TYW1: variants seen among roughly 807,000 people sequenced by gnomAD.
TYW1 encodes tRNA-yW synthesizing protein 1 homolog, also known as S-adenosyl-L-methionine-dependent tRNA 4-demethylwyosine synthase TYW1.
In TYW1, 46 loss-of-function variants were observed where a neutral mutation model predicts 96.2. That is an observed-to-expected ratio of 0.48 (90% confidence interval 0.38 to 0.61). The LOEUF is 0.61. Ranked by LOEUF, TYW1 falls within the 20% of genes least tolerant of loss-of-function variation. The pLI, the probability that TYW1 is intolerant of heterozygous loss-of-function variation, is 0.00. For synonymous variants in TYW1, 274 were observed against 323.0 expected (o/e 0.85, Z 1.63); for missense variants, 684 against 909.6 (o/e 0.75, Z 3.19).
intron 13 of TYW1, among the ~76,000 whole-genome samples, chr7:67,172,903 T>G (rs1799559541): frequency 6.6e-6 from 1 of 151,898 alleles, no homozygotes; most frequent in Non-Finnish European, 1.5e-5. Context: ...GAGGATCACT[T>G]GAGTCCAGGG....
At chr7:67,102,150 G>A (rs1205687930) in intron 12 of TYW1, among the ~76,000 whole-genome samples, 22 of 152,144 alleles carry the variant, frequency 1.4e-4, no homozygotes, top group Non-Finnish European at 2.2e-4. Flanking sequence ...GTAGGATAAA[G>A]TAATTTTTTG....
At chr7:67,127,440 T>C (rs1432007693) in intron 13 of TYW1, among the ~76,000 whole-genome samples, 1 of 152,070 alleles carries the variant, frequency 6.6e-6, no homozygotes, top group African/African-American at 2.4e-5. Flanking sequence ...GATTATAGGC[T>C]TGACCCACTG....
intron 13 of TYW1, among the ~76,000 whole-genome samples, chr7:67,170,499 G>T (rs2690166): frequency 1.3e-5 from 2 of 152,178 alleles, no homozygotes; most frequent in Non-Finnish European, 2.9e-5. Context: ...TTAAAATTTT[G>T]TATTGAGGTA....
intron 13 of TYW1, among the ~76,000 whole-genome samples, chr7:67,141,841 C>G (rs7811122): frequency 0.26 from 39,403 of 151,918 alleles, 5,568 homozygotes; most frequent in African/African-American, 0.38. Flanking sequence ...TTTGAGACCA[C>G]CCTGACCAAC....
At chr7:67,097,301 A>G (rs1190850599) in intron 11 of TYW1, among the ~76,000 whole-genome samples, 8 of 152,234 alleles carry the variant, frequency 5.3e-5, no homozygotes, top group Non-Finnish European at 1.5e-5. Flanking sequence ...AGCCTTGGCT[A>G]TACGTAACAA....
intron 6 of TYW1, among the ~76,000 whole-genome samples, chr7:67,022,087 A>AT (rs1381505128): frequency 4.7e-4 from 71 of 151,928 alleles, no homozygotes; most frequent in African/African-American, 1.5e-3. Context: ...AGTTTTTTTA[A>AT]TTTTTTGTAG....
At chr7:67,090,971 G>A (rs557553910) in intron 11 of TYW1, among the ~76,000 whole-genome samples, 4 of 152,312 alleles carry the variant, frequency 2.6e-5, no homozygotes, top group African/African-American at 9.6e-5. Flanking sequence ...TGATGGGACT[G>A]TAAACTAGTT....
intron 15 of TYW1, among the ~76,000 whole-genome samples, chr7:67,205,891 C>T (rs2949114): frequency 1.3e-5 from 2 of 151,932 alleles, no homozygotes; most frequent in Admixed American, 6.6e-5. Context: ...CTCAAGAAAG[C>T]CACCACCATG....
intron 13 of TYW1, among the ~76,000 whole-genome samples, chr7:67,149,741 T>C (rs1331485392): frequency 1.2e-5 from 1 of 84,242 alleles, no homozygotes; most frequent in East Asian, 2.2e-4. Context: ...TATCTATCTA[T>C]CTATCTATCT....
intron 13 of TYW1, among the ~76,000 whole-genome samples, chr7:67,134,366 AACCC>A (rs1798179452): frequency 6.6e-6 from 1 of 151,808 alleles, no homozygotes; most frequent in Admixed American, 6.6e-5. Flanking sequence ...AACATGGTGA[AACCC>A]TGTTAGTACT....
intron 13 of TYW1, among the ~76,000 whole-genome samples, chr7:67,166,541 C>A (rs1563051378): frequency 1.3e-5 from 2 of 150,862 alleles, no homozygotes; most frequent in South Asian, 2.1e-4. Context: ...TCAGCCCCTC[C>A]CCTCTCTAAA....
chr7:67,063,045 A>G (rs1363854729), intron 9 of TYW1, among the ~76,000 whole-genome samples: 1 of 152,186 alleles, frequency 6.6e-6, no homozygotes, highest in Non-Finnish European at 1.5e-5. Flanking sequence ...AGAAATCCTC[A>G]ACAAGATATG....
At chr7:67,153,563 C>T (rs1563043895) in intron 13 of TYW1, among the ~76,000 whole-genome samples, 3 of 152,194 alleles carry the variant, frequency 2.0e-5, no homozygotes, top group Admixed American at 1.3e-4. Context: ...ATAATGTAGT[C>T]TGTTTTTAAG....
intron 15 of TYW1, among the ~76,000 whole-genome samples, chr7:67,211,137 A>C (rs1801002612): frequency 7.2e-6 from 1 of 139,430 alleles, no homozygotes. Flanking sequence ...ACTTTGCCAT[A>C]CCCCCATCAA....
intron 15 of TYW1, among the ~76,000 whole-genome samples, chr7:67,202,945 A>T (rs1006513118): frequency 1.3e-5 from 2 of 152,242 alleles, no homozygotes; most frequent in African/African-American, 2.4e-5. Context: ...ACGTTATCAA[A>T]ATCAGGAAAT....
intron 10 of TYW1, among the ~76,000 whole-genome samples, chr7:67,080,951 T>TG (rs970198133): frequency 6.9e-5 from 10 of 145,880 alleles, no homozygotes; most frequent in African/African-American, 2.3e-4. Context: ...TTTTTTTTTT[T>TG]TTTTTTTTTT....
intron 13 of TYW1, among the ~76,000 whole-genome samples, chr7:67,169,782 C>T (rs1042502414): frequency 6.6e-6 from 1 of 152,148 alleles, no homozygotes; most frequent in African/African-American, 2.4e-5. Context: ...AGCTGATGGA[C>T]GTTGGCATTG....
chr7:67,229,098 G>A (rs1801660915), intron 15 of TYW1, among the ~76,000 whole-genome samples: 1 of 152,200 alleles, frequency 6.6e-6, no homozygotes, highest in African/African-American at 2.4e-5. Context: ...TGACTTTAGA[G>A]GTCTGCATAA....
At chr7:67,175,565 T>C (rs3962076) in intron 13 of TYW1, among the ~76,000 whole-genome samples, 42,660 of 151,974 alleles carry the variant, frequency 0.28, 6,463 homozygotes, top group African/African-American at 0.4. Context: ...AAAAGATCAA[T>C]AAACTAAATA....
Sources: allele counts gnomAD v4.1 joint callset (sites outside exome capture counted in the v4.1 genomes callset), GRCh38; gene constraint gnomAD v4.1.1; transcripts MANE v1.5; gene names NCBI Gene and HGNC (gene_info 2026-07-23, HGNC 2026-07-21).